Variants in COL25A1 observed in about 807,000 individuals in gnomAD.
COL25A1 encodes collagen alpha-1(XXV) chain.
In COL25A1, 103 loss-of-function variants were observed where a neutral mutation model predicts 128.4. That is an observed-to-expected ratio of 0.80 (90% confidence interval 0.68 to 0.94). The LOEUF (loss-of-function observed/expected upper bound fraction) is 0.94, where lower values mean the gene tolerates loss of function less well. Among genes scored for constraint, COL25A1 ranks in the 40% least tolerant of loss-of-function variants. COL25A1 has a pLI of 0.00. For missense variants in COL25A1, 745 were observed against 840.0 expected, an observed-to-expected ratio of 0.89 and a Z score of 1.40; for synonymous variants, 279 against 277.2, an observed-to-expected ratio of 1.01 and a Z score of -0.06.
intron 3 of COL25A1, among the ~76,000 whole-genome samples, chr4:109,233,159 A>T (rs749520779): frequency 2.0e-5 from 3 of 152,170 alleles, no homozygotes; most frequent in Admixed American, 6.6e-5. Context: ...AGGCAGACAC[A>T]GCTTTTTAAT....
chr4:109,027,464 T>A (rs570102333), intron 5 of COL25A1, among the ~76,000 whole-genome samples: 1 of 152,068 alleles, frequency 6.6e-6, no homozygotes, highest in East Asian at 1.9e-4. Flanking sequence ...CAGGTCATGA[T>A]AAGAACTTGG....
At chr4:109,162,406 A>C (rs1772665223) in intron 3 of COL25A1, among the ~76,000 whole-genome samples, 1 of 152,196 alleles carries the variant, frequency 6.6e-6, no homozygotes, top group African/African-American at 2.4e-5. Context: ...AAGAGCGAAA[A>C]GAAGTGGTGA....
At position 109,145,101 on chromosome 4, in the gene COL25A1, C is replaced by T. The variant is rs190933318; in HGVS notation, c.368-94922G>A. Among the ~76,000 whole-genome samples, 70 of 138,464 alleles carry T rather than the reference C, an allele frequency of 5.1e-4. 2 individuals carry two copies. The East Asian group carries it at 0.013, about 26-fold the overall frequency. 90.8% of individuals were successfully genotyped at this position (138,464 alleles called of 152,430 possible). ...TTTTTTTTTTTGAGACGGAGTCTCA[C>T]TCTGTTGCCCAGGCTGGAGTGCAGT... On this transcript the variant is annotated intron_variant, in intron 3 of 37. Transcript: ENST00000399132.
At chr4:109,287,792 G>T (rs1469359705) in intron 3 of COL25A1, among the ~76,000 whole-genome samples, 1 of 152,170 alleles carries the variant, frequency 6.6e-6, no homozygotes, top group Non-Finnish European at 1.5e-5. Flanking sequence ...GCAGAGGAGA[G>T]CATCCACATA....
chr4:108,971,059 AAG>A (rs1398797403), intron 8 of COL25A1, among the ~76,000 whole-genome samples: 1 of 152,018 alleles, frequency 6.6e-6, no homozygotes, highest in African/African-American at 2.4e-5. Flanking sequence ...TATCCTCCTA[AAG>A]ATTACCAATT....
chr4:109,148,341 A>T (rs936428625), intron 3 of COL25A1, among the ~76,000 whole-genome samples: 7 of 152,240 alleles, frequency 4.6e-5, no homozygotes, highest in Non-Finnish European at 1.0e-4. Context: ...AATTTTACTT[A>T]CACATAGTTT....
rs111681669 is a variant in COL25A1, at chr4:109,227,243, G to A, written c.367+73340C>T. On this transcript the variant is annotated intron_variant, in intron 3 of 37. Transcript: ENST00000399132. ...AACATTGTGATAACGCAGTTTAATG[G>A]AGTCAAATTCGCAGCAAAAAAAAAT... Among the ~76,000 whole-genome samples the A allele has an allele frequency of 3.2e-3, 456 of 143,656 alleles. 1 individual carries two copies. The highest frequency in any genetic ancestry group is 0.012 in the African/African-American group (436 of 36,770). 94.2% of individuals were successfully genotyped at this position (143,656 alleles called of 152,430 possible).
chr4:108,838,860 C>T (rs1388602359), intron 31 of COL25A1, among the ~76,000 whole-genome samples: 1 of 152,086 alleles, frequency 6.6e-6, no homozygotes, highest in African/African-American at 2.4e-5. Flanking sequence ...ATAAAAGCCA[C>T]GGTAAATGAT....
intron 3 of COL25A1, among the ~76,000 whole-genome samples, chr4:109,251,012 A>T (rs11936763): frequency 0.3 from 45,311 of 152,134 alleles, 7,032 homozygotes; most frequent in Middle Eastern, 0.38. Context: ...AGTTATGTTT[A>T]TATCTTTTTC....
chr4:109,185,425 G>A (rs17040061), intron 3 of COL25A1, among the ~76,000 whole-genome samples: 50,595 of 152,014 alleles, frequency 0.33, 10,394 homozygotes, highest in Non-Finnish European at 0.47. Context: ...ACTTCTCTAT[G>A]GATAATCAGT....
intron 3 of COL25A1, among the ~76,000 whole-genome samples, chr4:109,167,503 A>C (rs1212835383): frequency 1.3e-5 from 2 of 152,184 alleles, no homozygotes; most frequent in Non-Finnish European, 2.9e-5. Context: ...TGTTCTTAAA[A>C]TGTATCATTA....
chr4:109,030,571 T>C lies in COL25A1; in HGVS notation c.420+17597A>G, dbSNP rs117454116. ...TTGAATAAGTGACTAATGTAGTGAATTACTGATGTTGCAAAGATTCAGCCA... is the reference window on the plus strand; with the variant it reads ...TTGAATAAGTGACTAATGTAGTGAACTACTGATGTTGCAAAGATTCAGCCA... On this transcript the variant is annotated intron_variant, in intron 5 of 37. Coordinates refer to ENST00000399132, the MANE Select transcript of COL25A1 (RefSeq NM_198721.4). Among the ~76,000 whole-genome samples the C allele has an allele frequency of 9.1e-4, 138 of 152,286 alleles. 4 individuals carry two copies. In the East Asian group the frequency reaches 0.025, roughly 27 times the overall value.
chr4:108,873,736 T>C (rs11943148), intron 19 of COL25A1, among the ~76,000 whole-genome samples: 38,286 of 152,042 alleles, frequency 0.25, 5,391 homozygotes, highest in African/African-American at 0.36. Flanking sequence ...GAATATGTCA[T>C]TAATTTATGA....
At chr4:108,863,489 T>G in intron 20 of COL25A1, 102 bp from the exon 21 acceptor site, 2 of 861,406 alleles carry the variant, frequency 2.3e-6, no homozygotes, top group South Asian at 3.6e-5. Flanking sequence ...AGCAGAGAGT[T>G]TTCATTGATT....
At chr4:109,164,156 G>T (rs1772847516) in intron 3 of COL25A1, among the ~76,000 whole-genome samples, 1 of 152,030 alleles carries the variant, frequency 6.6e-6, no homozygotes, top group African/African-American at 2.4e-5. Context: ...CCTGGCTTGT[G>T]CACACAATGG....
At chr4:108,863,281 C>T (rs763004000) in intron 21 of COL25A1, 38 bp downstream of exon 21, 4 of 1,589,664 alleles carry the variant, frequency 2.5e-6, no homozygotes, top group Non-Finnish European at 3.5e-6. Flanking sequence ...TCAAATCAAG[C>T]CAGAGAATGG....
chr4:108,832,570 T>G, intron 31 of COL25A1, 137 bp from the exon 32 acceptor site: 1 of 595,834 alleles, frequency 1.7e-6, no homozygotes, highest in South Asian at 2.5e-5. Flanking sequence ...TGCTTTATGC[T>G]TGATTATTTC....
At chr4:109,213,535 G>A (rs1255644194) in intron 3 of COL25A1, among the ~76,000 whole-genome samples, 1 of 152,106 alleles carries the variant, frequency 6.6e-6, no homozygotes, top group African/African-American at 2.4e-5. Flanking sequence ...GGACCATGTG[G>A]GGAGGAACTG....
At chr4:108,961,642 G>GT (rs1166657898) in intron 8 of COL25A1, among the ~76,000 whole-genome samples, 1 of 111,022 alleles carries the variant, frequency 9.0e-6, no homozygotes, top group South Asian at 2.6e-4. Context: ...GTGTTGTGCT[G>GT]TGTTGTGTTG....
Sources: gnomAD v4.1 joint callset for allele counts (sites outside exome capture counted in the v4.1 genomes callset) on GRCh38, gnomAD v4.1.1 for gene constraint, MANE v1.5 for transcripts, NCBI Gene and HGNC (gene_info 2026-07-23, HGNC 2026-07-21) for gene names.